Variants in PRELID2 observed in about 807,000 individuals in gnomAD.
The protein encoded by PRELID2 is PRELI domain containing 2.
A neutral mutation model predicts 28.4 loss-of-function variants in PRELID2; 25 were observed. The ratio of observed to expected loss-of-function variants is 0.88; its 90% CI spans 0.64 to 1.23. The LOEUF (loss-of-function observed/expected upper bound fraction) is 1.23. Among genes scored for constraint, PRELID2 ranks in the 50% most tolerant of loss-of-function variants. PRELID2 has a pLI of 0.00. For synonymous variants in PRELID2, 76 were observed against 71.6 expected (o/e 1.06, Z -0.31); for missense variants, 201 against 214.4 (o/e 0.94, Z 0.39).
chr5:145,462,490 T>C, the PRELID2 span, among the ~76,000 whole-genome samples: 1 of 152,224 alleles, frequency 6.6e-6, no homozygotes, highest in Non-Finnish European at 1.5e-5. Context: ...TGTCCAAAAA[T>C]TGCATGAATT....
the PRELID2 span, among the ~76,000 whole-genome samples, chr5:145,464,516 C>A: frequency 1.3e-5 from 2 of 152,152 alleles, no homozygotes; most frequent in African/African-American, 4.8e-5. Flanking sequence ...CAGGTTTATC[C>A]TGTAGGAGGG....
At chr5:145,832,559 C>A (rs1755665661) in intron 1 of PRELID2, among the ~76,000 whole-genome samples, 1 of 152,168 alleles carries the variant, frequency 6.6e-6, no homozygotes, top group Non-Finnish European at 1.5e-5. Flanking sequence ...GCAGCACAGC[C>A]GGGTGGCTAA....
intron 1 of PRELID2, among the ~76,000 whole-genome samples, chr5:145,553,288 T>C (rs1396758748): frequency 6.6e-6 from 1 of 151,158 alleles, no homozygotes; most frequent in Admixed American, 6.6e-5. Context: ...ACAGGATCTT[T>C]GACAAGGAAG....
chr5:145,269,167 A>G, the PRELID2 span, among the ~76,000 whole-genome samples: 1 of 152,254 alleles, frequency 6.6e-6, no homozygotes, highest in East Asian at 1.9e-4. Flanking sequence ...TAGATATTAC[A>G]AGCTGACTGT....
At chr5:145,502,610 T>C (rs1207484599) in intron 1 of PRELID2, among the ~76,000 whole-genome samples, 1 of 152,178 alleles carries the variant, frequency 6.6e-6, no homozygotes, top group Non-Finnish European at 1.5e-5. Flanking sequence ...ATGCATTTTC[T>C]TCCCAACTGA....
chr5:145,392,753 T>A, the PRELID2 span, among the ~76,000 whole-genome samples: 1 of 148,468 alleles, frequency 6.7e-6, no homozygotes, highest in Non-Finnish European at 1.5e-5. Flanking sequence ...AAGGAAGGAG[T>A]CTACATGCTC....
At chr5:145,404,755 T>C in the PRELID2 span, among the ~76,000 whole-genome samples, 3 of 152,216 alleles carry the variant, frequency 2.0e-5, no homozygotes, top group Non-Finnish European at 4.4e-5. Context: ...AATTGTGGTT[T>C]TGACTGTCTA....
At chr5:145,388,338 C>G in the PRELID2 span, among the ~76,000 whole-genome samples, 1 of 152,280 alleles carries the variant, frequency 6.6e-6, no homozygotes, top group South Asian at 2.1e-4. Context: ...GCATCTTGGT[C>G]TGGACTAGGT....
the PRELID2 span, among the ~76,000 whole-genome samples, chr5:145,464,968 C>T: frequency 5.9e-5 from 9 of 152,218 alleles, no homozygotes; most frequent in Middle Eastern, 3.4e-3. Context: ...TAAAATTCTG[C>T]CCAAAATCCT....
chr5:145,585,890 C>T (rs1029586439), intron 1 of PRELID2, among the ~76,000 whole-genome samples: 1 of 151,962 alleles, frequency 6.6e-6, no homozygotes, highest in Admixed American at 6.6e-5. Context: ...ATGTGTGGAC[C>T]CCTCCTCTTT....
the PRELID2 span, among the ~76,000 whole-genome samples, chr5:145,302,158 T>C: frequency 6.6e-6 from 1 of 151,948 alleles, no homozygotes; most frequent in Non-Finnish European, 1.5e-5. Context: ...ATTCAAATTT[T>C]TCTTTCTTTC....
the PRELID2 span, among the ~76,000 whole-genome samples, chr5:145,345,057 G>A: frequency 6.6e-6 from 1 of 151,850 alleles, no homozygotes; most frequent in Admixed American, 6.6e-5. Context: ...TTTACATGTG[G>A]TTTCTGCCTA....
At chr5:145,567,980 A>G (rs1580980040) in intron 1 of PRELID2, among the ~76,000 whole-genome samples, 1 of 152,332 alleles carries the variant, frequency 6.6e-6, no homozygotes, top group East Asian at 1.9e-4. Context: ...TCATTTAGAC[A>G]GACTTGCCCA....
chr5:145,484,464 C>T (rs534373870), intron 1 of PRELID2, among the ~76,000 whole-genome samples: 1 of 152,128 alleles, frequency 6.6e-6, no homozygotes, highest in Non-Finnish European at 1.5e-5. Context: ...TCTTCTATTT[C>T]TTATTGGTTC....
At chr5:145,811,370 C>A (rs1009760099) in intron 4 of PRELID2, among the ~76,000 whole-genome samples, 1 of 152,108 alleles carries the variant, frequency 6.6e-6, no homozygotes, top group Non-Finnish European at 1.5e-5. Context: ...CTCACCGTAA[C>A]CTTGACCACC....
the PRELID2 span, among the ~76,000 whole-genome samples, chr5:145,249,407 T>C: frequency 6.6e-6 from 1 of 152,184 alleles, no homozygotes; most frequent in Non-Finnish European, 1.5e-5. Flanking sequence ...GAATATATAA[T>C]ACTGTCCTAT....
At chr5:145,365,633 G>A in the PRELID2 span, among the ~76,000 whole-genome samples, 1 of 151,810 alleles carries the variant, frequency 6.6e-6, no homozygotes, top group African/African-American at 2.4e-5. Context: ...GAACCAATTG[G>A]ACCGGATAGA....
rs191138986 is a variant in PRELID2, at chr5:145,772,105, A to C, written c.475-7105T>G. ...CTAGAAAGTGGAATAACACCTAATA[A>C]TAATCTAAAATAAACAGTTAAAATT... On this transcript the variant is annotated intron_variant, in intron 5 of 6. Transcript: ENST00000683046. Among the ~76,000 whole-genome samples, 9 of 152,316 alleles carry C rather than the reference A, an allele frequency of 5.9e-5. No individual in the cohort carries two copies. In the East Asian group the frequency reaches 1.7e-3, roughly 29 times the overall value.
intron 1 of PRELID2, among the ~76,000 whole-genome samples, chr5:145,492,682 G>T: frequency 7.1e-6 from 1 of 141,170 alleles, no homozygotes; most frequent in East Asian, 2.0e-4. Context: ...TCCATTTTGA[G>T]TTGATTTCTG....
Sources: gnomAD v4.1 joint callset for allele counts (sites outside exome capture counted in the v4.1 genomes callset) on GRCh38, gnomAD v4.1.1 for gene constraint, MANE v1.5 for transcripts, NCBI Gene and HGNC (gene_info 2026-07-23, HGNC 2026-07-21) for gene names.